Variants in OR4K1 observed in about 807,000 individuals in gnomAD.
OR4K1 encodes the protein olfactory receptor family 4 subfamily K member 1.
OR4K1 carries 16 observed loss-of-function variants against 14.4 expected under a neutral mutation model. The ratio of observed to expected loss-of-function variants is 1.11; its 90% CI spans 0.75 to 1.68. The LOEUF is 1.68. Ranked by LOEUF, OR4K1 falls within the 40% of genes most tolerant of loss-of-function variation. The pLI, the probability that OR4K1 is intolerant of heterozygous loss-of-function variation, is 0.00. For missense variants in OR4K1, 548 were observed against 376.9 expected (o/e 1.45, Z -3.76); for synonymous variants, 181 against 133.1 (o/e 1.36, Z -2.48).
upstream of OR4K1, among the ~76,000 whole-genome samples, chr14:19,928,010 G>A (rs1429079880): frequency 6.6e-6 from 1 of 152,228 alleles, no homozygotes; most frequent in Non-Finnish European, 1.5e-5. Flanking sequence ...CCACAAACAA[G>A]ATTGGAATGA....
chr14:19,929,251 A>T (rs1882129948), upstream of OR4K1, among the ~76,000 whole-genome samples: 1 of 149,028 alleles, frequency 6.7e-6, no homozygotes, highest in Non-Finnish European at 1.5e-5. Context: ...TAGTTTATAC[A>T]TATATATTTG....
At chr14:19,921,333 C>T in the OR4K1 span, 1 of 1,614,176 alleles carries the variant, frequency 6.2e-7, no homozygotes, top group Non-Finnish European at 8.5e-7. Context: ...GCTGGCTTCC[C>T]ATATTGCAGT....
At chr14:19,922,577 T>TA in the OR4K1 span, among the ~76,000 whole-genome samples, 8 of 149,756 alleles carry the variant, frequency 5.3e-5, no homozygotes, top group South Asian at 8.5e-4. Context: ...TTCTCTCCTT[T>TA]AGGCCTATGG....
upstream of OR4K1, among the ~76,000 whole-genome samples, chr14:19,926,632 G>A (rs376793867): frequency 4.6e-5 from 7 of 152,120 alleles, no homozygotes; most frequent in African/African-American, 2.4e-5. Flanking sequence ...AATGTTATAG[G>A]CAGCATAAAA....
chr14:19,921,836 C>T, the OR4K1 span, among the ~76,000 whole-genome samples: 21 of 152,154 alleles, frequency 1.4e-4, no homozygotes, highest in South Asian at 6.2e-4. Flanking sequence ...GCTTTTGTTA[C>T]GGGGTAAATG....
the OR4K1 span, chr14:19,921,279 G>T: frequency 6.2e-7 from 1 of 1,614,136 alleles, no homozygotes; most frequent in Non-Finnish European, 8.5e-7. Context: ...TCTTGTTACA[G>T]TTTGGCTCAA....
chr14:19,921,300 G>T, the OR4K1 span: 1 of 1,614,190 alleles, frequency 6.2e-7, no homozygotes, highest in Non-Finnish European at 8.5e-7. Flanking sequence ...GTCTTCAGCT[G>T]CAATGGCAAA....
the OR4K1 span, chr14:19,920,779 C>G: frequency 1.2e-6 from 2 of 1,614,202 alleles, no homozygotes; most frequent in Non-Finnish European, 1.7e-6. Context: ...CTGCACTCCC[C>G]TATGTACTTT....
intron 1 of OR4K1, among the ~76,000 whole-genome samples, chr14:19,935,406 G>T (rs892658592): frequency 6.6e-6 from 1 of 152,144 alleles, no homozygotes; most frequent in Admixed American, 6.6e-5. Context: ...TCTTTAGTAT[G>T]TGTAGTTTTT....
chr14:19,935,932 G>T lies in OR4K1; in HGVS notation c.266G>T (p.Arg89Leu). ...PKMLVDFFIE[R>L]KTISFEGCMA... ...ATGCTTGTAGACTTTTTTATTGAGCGCAAGACTATCTCCTTTGAGGGTTGC... is the reference window on the plus strand; with the variant it reads ...ATGCTTGTAGACTTTTTTATTGAGCTCAAGACTATCTCCTTTGAGGGTTGC... Residue 89 changes from arginine (R) to leucine (L), a missense_variant, in exon 2 of 2, where the codon CGC (arginine) becomes CTC (leucine). Transcript: ENST00000641172. The T allele has an allele frequency of 6.2e-7, 1 of 1,609,404 alleles. No individual in the cohort carries two copies.
In OR4K1 at chr14:19,933,837, G is replaced by A. The variant is rs148183087; in HGVS notation, c.-19-1811G>A. 4.7e-3 allele frequency among the ~76,000 whole-genome samples: 711 copies of A among 152,128 alleles called. 3 individuals are homozygous for A. Among genetic ancestry groups the A allele is most frequent in the African/African-American group, 0.016 (680 of 41,434 alleles). ...CCTGACCTCGTGATCTGCCCACCTCGGCCTCCCAAAGTGCTGGGATTACAG... is the reference window on the plus strand; with the variant it reads ...CCTGACCTCGTGATCTGCCCACCTCAGCCTCCCAAAGTGCTGGGATTACAG... On this transcript the variant is annotated intron_variant, in intron 1 of 1. Coordinates refer to ENST00000641172, the MANE Select transcript of OR4K1 (RefSeq NM_001004063.3).
At chr14:19,929,179 TC>T (rs1316520796), upstream of OR4K1, among the ~76,000 whole-genome samples, 1 of 150,862 alleles carries the variant, frequency 6.6e-6, no homozygotes, top group African/African-American at 2.4e-5. Context: ...ATTTACTTTT[TC>T]CCATGAATTT....
chr14:19,925,393 A>G, the OR4K1 span, among the ~76,000 whole-genome samples: 1 of 152,214 alleles, frequency 6.6e-6, no homozygotes, highest in African/African-American at 2.4e-5. Flanking sequence ...TGGTTCACAC[A>G]GGCTCTGTAT....
the OR4K1 span, among the ~76,000 whole-genome samples, chr14:19,925,803 G>A: frequency 1.3e-5 from 2 of 152,392 alleles, no homozygotes; most frequent in East Asian, 1.9e-4. Context: ...AAAGGATGAA[G>A]AAGCTTTAGT....
At chr14:19,920,820 T>C in the OR4K1 span, 270 of 1,614,248 alleles carry the variant, frequency 1.7e-4, 2 homozygotes, top group Non-Finnish European at 1.8e-5. Context: ...TGTTGACATT[T>C]GTCAGGCTTC....
the OR4K1 span, among the ~76,000 whole-genome samples, chr14:19,925,290 A>G: frequency 6.6e-6 from 1 of 152,210 alleles, no homozygotes; most frequent in Admixed American, 6.5e-5. Context: ...TGAACAGATT[A>G]CTTAGCTTTT....
upstream of OR4K1, among the ~76,000 whole-genome samples, chr14:19,928,692 A>G (rs1882115329): frequency 6.6e-6 from 1 of 152,176 alleles, no homozygotes. Flanking sequence ...ATTGACAAAT[A>G]ATTAACATAT....
chr14:19,924,429 A>G, the OR4K1 span, among the ~76,000 whole-genome samples: 1 of 142,838 alleles, frequency 7.0e-6, no homozygotes, highest in South Asian at 2.2e-4. Flanking sequence ...AAAAAAAAAG[A>G]TAGCATTTAT....
At chr14:19,934,098 C>T (rs993148283) in intron 1 of OR4K1, among the ~76,000 whole-genome samples, 8 of 152,194 alleles carry the variant, frequency 5.3e-5, no homozygotes, top group African/African-American at 1.4e-4. Context: ...GTCTAAATAA[C>T]CTGGTTCTAA....
Sources: gnomAD v4.1 joint callset for allele counts (sites outside exome capture counted in the v4.1 genomes callset) on GRCh38, gnomAD v4.1.1 for gene constraint, MANE v1.5 for transcripts, NCBI Gene and HGNC (gene_info 2026-07-23, HGNC 2026-07-21) for gene names.